The following ADAM7 variants were observed in gnomAD, a reference collection of about 807,000 sequenced individuals.
The protein encoded by ADAM7 is ADAM metallopeptidase domain 7.
In ADAM7, 97 loss-of-function variants were observed where a neutral mutation model predicts 102.9. The observed-to-expected ratio is 0.94, with a 90% CI of 0.80 to 1.12. The LOEUF is 1.12. ADAM7 is among the 50% of genes most tolerant of loss of function. The probability of loss-of-function intolerance (pLI) is 0.00; values close to 1 mark genes in which losing one functional copy is unlikely to be tolerated. For missense variants in ADAM7, 991 were observed against 908.7 expected (o/e 1.09, Z -1.16); for synonymous variants, 334 against 304.4 (o/e 1.10, Z -1.01).
chr8:24,488,389 T>G (rs1300336876), intron 11 of ADAM7, among the ~76,000 whole-genome samples: 1 of 152,168 alleles, frequency 6.6e-6, no homozygotes, highest in East Asian at 1.9e-4. Flanking sequence ...TTGTATATAG[T>G]AAGAAAAGTT....
chr8:24,454,614 G>A (rs1818953890), intron 3 of ADAM7, among the ~76,000 whole-genome samples: 3 of 152,142 alleles, frequency 2.0e-5, no homozygotes, highest in Admixed American at 2.0e-4. Context: ...CCCGGGGTGA[G>A]GCAATGCCTC....
intron 8 of ADAM7, among the ~76,000 whole-genome samples, chr8:24,480,121 C>T (rs1819900186): frequency 6.6e-6 from 1 of 152,154 alleles, no homozygotes; most frequent in Non-Finnish European, 1.5e-5. Context: ...TTCTGCCTTG[C>T]CTTGTATCTT....
At chr8:24,452,198 G>A (rs6557747) in intron 3 of ADAM7, among the ~76,000 whole-genome samples, 94,068 of 147,196 alleles carry the variant, frequency 0.64, 30,173 homozygotes, top group Middle Eastern at 0.69. Context: ...CAATTCCTGG[G>A]TATCCTTGTT....
intron 17 of ADAM7, 72 bp from the exon 18 acceptor site, chr8:24,500,106 A>G: frequency 7.3e-7 from 1 of 1,371,826 alleles, no homozygotes; most frequent in Non-Finnish European, 1.0e-6. Context: ...TAGAGGTAGC[A>G]CTAAAGTAAG....
chr8:24,452,497 T>C (rs1164616204), intron 3 of ADAM7, among the ~76,000 whole-genome samples: 1 of 152,022 alleles, frequency 6.6e-6, no homozygotes, highest in Non-Finnish European at 1.5e-5. Context: ...GTTTTCCGTT[T>C]GTTTGGTAGA....
At position 24,468,777 on chromosome 8, in the gene ADAM7, A is replaced by G. The variant is rs1223811383; in HGVS notation, c.590A>G (p.Asp197Gly). 1 of 1,613,294 alleles carries G rather than the reference A, an allele frequency of 6.2e-7. No homozygotes were observed. Among genetic ancestry groups the G allele is most frequent in the South Asian group, 1.1e-5 (1 of 91,004 alleles). ...TCCCTAACTTTACAGGGCATCCATG[A>G]TGAAAAGTATGTTGAATTGTTCATT... ...EEDSKIKGIH[D>G]EKYVELFIVA... is the part of the protein sequence containing the mutation. The change falls in exon 7 of 22, where the codon GAT (aspartate) becomes GGT (glycine). Residue 197 changes from aspartate to glycine, a missense_variant. Transcript: ENST00000175238.
chr8:24,490,187 G>A (rs1820293801), intron 12 of ADAM7: 1 of 152,428 alleles, frequency 6.6e-6, no homozygotes, highest in African/African-American at 2.4e-5. Flanking sequence ...TTATAAGAAT[G>A]TCTTCAAATG....
At chr8:24,479,987 A>C (rs1331185788) in intron 8 of ADAM7, among the ~76,000 whole-genome samples, 1 of 152,162 alleles carries the variant, frequency 6.6e-6, no homozygotes. Flanking sequence ...AGGCAGAAGC[A>C]GAACTTCTCC....
At chr8:24,447,703 T>A (rs1585848810) in intron 3 of ADAM7, among the ~76,000 whole-genome samples, 1 of 152,168 alleles carries the variant, frequency 6.6e-6, no homozygotes, top group Non-Finnish European at 1.5e-5. Context: ...TGTAACCAAA[T>A]AGTGTAATTG....
chr8:24,461,436 A>AT (rs1384995068), intron 3 of ADAM7, among the ~76,000 whole-genome samples: 2 of 151,538 alleles, frequency 1.3e-5, no homozygotes, highest in Admixed American at 6.6e-5. Flanking sequence ...TGGTTTTGAG[A>AT]TTTTGTCTTT....
chr8:24,481,491 C>T (rs1355863197), intron 8 of ADAM7, among the ~76,000 whole-genome samples: 1 of 152,132 alleles, frequency 6.6e-6, no homozygotes, highest in Non-Finnish European at 1.5e-5. Context: ...TCCTTTCTCT[C>T]AAAATTCCCA....
intron 16 of ADAM7, 86 bp from the exon 17 acceptor site, chr8:24,499,150 T>G: frequency 2.1e-6 from 2 of 957,994 alleles, no homozygotes; most frequent in Non-Finnish European, 3.1e-6. Flanking sequence ...CATGCAAAAT[T>G]GTGCACTTCA....
intron 16 of ADAM7, among the ~76,000 whole-genome samples, chr8:24,498,943 G>A (rs974644815): frequency 6.6e-6 from 1 of 152,060 alleles, no homozygotes; most frequent in Admixed American, 6.5e-5. Flanking sequence ...GATTAACGCT[G>A]AAGTAATTAC....
At chr8:24,449,280 G>C (rs1464074552) in intron 3 of ADAM7, among the ~76,000 whole-genome samples, 2 of 152,186 alleles carry the variant, frequency 1.3e-5, no homozygotes, top group Non-Finnish European at 2.9e-5. Flanking sequence ...CAATGTAAAA[G>C]TGTTCCTGTT....
At chr8:24,453,432 A>G (rs1174229236) in intron 3 of ADAM7, among the ~76,000 whole-genome samples, 5 of 151,886 alleles carry the variant, frequency 3.3e-5, no homozygotes, top group East Asian at 1.9e-4. Flanking sequence ...CTTTCTTCCA[A>G]TTGATCACAT....
intron 21 of ADAM7, among the ~76,000 whole-genome samples, chr8:24,508,157 T>C (rs929691168): frequency 6.6e-6 from 1 of 152,130 alleles, no homozygotes; most frequent in Non-Finnish European, 1.5e-5. Context: ...AGTATGAAGA[T>C]TCCTTCCACA....
At chr8:24,471,672 T>C in intron 7 of ADAM7, among the ~76,000 whole-genome samples, 1 of 152,096 alleles carries the variant, frequency 6.6e-6, no homozygotes, top group East Asian at 1.9e-4. Flanking sequence ...CTTTATGATG[T>C]TTGCACAAAG....
intron 3 of ADAM7, among the ~76,000 whole-genome samples, chr8:24,449,660 C>G (rs555140020): frequency 6.6e-6 from 1 of 152,076 alleles, no homozygotes; most frequent in African/African-American, 2.4e-5. Context: ...TTAATTAGAT[C>G]CCATTTGTCA....
chr8:24,471,943 T>TA (rs1488578602), intron 7 of ADAM7, among the ~76,000 whole-genome samples: 1 of 151,882 alleles, frequency 6.6e-6, no homozygotes, highest in South Asian at 2.1e-4. Flanking sequence ...TCAAGAGACC[T>TA]AAAAAATCTC....
Sources: allele counts gnomAD v4.1 joint callset (sites outside exome capture counted in the v4.1 genomes callset), GRCh38; gene constraint gnomAD v4.1.1; transcripts MANE v1.5; gene names NCBI Gene and HGNC (gene_info 2026-07-23, HGNC 2026-07-21).